Variants in STON1 observed in about 807,000 individuals in gnomAD.
The protein encoded by STON1 is stonin-1.
A neutral mutation model predicts 60.9 loss-of-function variants in STON1; 79 were observed. The ratio of observed to expected loss-of-function variants is 1.30; its 90% CI spans 1.08 to 1.56. The LOEUF is 1.56. Among genes scored for constraint, STON1 ranks in the 40% most tolerant of loss-of-function variants. STON1 has a pLI of 0.00. For synonymous variants in STON1, 363 were observed against 306.9 expected (o/e 1.18, Z -1.91); for missense variants, 1,166 against 858.9 (o/e 1.36, Z -4.47).
chr2:48,559,684 C>G (rs1044893519), intron 1 of STON1, among the ~76,000 whole-genome samples: 6 of 152,188 alleles, frequency 3.9e-5, no homozygotes, highest in Non-Finnish European at 7.3e-5. Context: ...AGTGGCAGGG[C>G]TGGGATTGAA....
chr2:48,532,834 G>C (rs1332772735), intron 1 of STON1, among the ~76,000 whole-genome samples: 1 of 152,196 alleles, frequency 6.6e-6, no homozygotes, highest in Non-Finnish European at 1.5e-5. Flanking sequence ...CACCTGGACA[G>C]GTCAGATGAG....
chr2:48,576,498 CTTTT>C (rs35460615), intron 1 of STON1, among the ~76,000 whole-genome samples: 171 of 143,908 alleles, frequency 1.2e-3, no homozygotes, highest in African/African-American at 1.8e-3. Context: ...CCATATTATC[CTTTT>C]TTTTTTTTTT....
intron 3 of STON1, 41 bp from the exon 4 acceptor site, chr2:48,595,187 G>A (rs1419309266): frequency 6.6e-7 from 1 of 1,504,292 alleles, no homozygotes; most frequent in Non-Finnish European, 9.2e-7. Flanking sequence ...GTGCTGTGTT[G>A]CATTTGTTAA....
intron 1 of STON1, among the ~76,000 whole-genome samples, chr2:48,549,688 T>C (rs1672010397): frequency 6.6e-6 from 1 of 151,740 alleles, no homozygotes; most frequent in South Asian, 2.1e-4. Context: ...GATGGGCTCC[T>C]GTAATCCCAG....
intron 1 of STON1, among the ~76,000 whole-genome samples, chr2:48,565,178 G>A (rs890685542): frequency 8.1e-5 from 12 of 148,242 alleles, no homozygotes; most frequent in African/African-American, 2.5e-4. Context: ...TCAGCCTCCC[G>A]AGTGGCTGGG....
At chr2:48,578,731 C>T (rs1472932893) in intron 1 of STON1, among the ~76,000 whole-genome samples, 1 of 151,638 alleles carries the variant, frequency 6.6e-6, no homozygotes, top group East Asian at 1.9e-4. Context: ...AATTTTTGGG[C>T]AGGTACCCAC....
rs564566471 is a variant in STON1 at position 48,597,751 on chromosome 2, A to T, written c.*2449A>T. The T allele has an allele frequency of 6.5e-6, 1 of 152,742 alleles. No individual in the cohort carries two copies. The highest frequency in any genetic ancestry group is 1.9e-4 in the East Asian group (1 of 5,188). 9.5% of individuals were successfully genotyped at this position (152,742 alleles called of 1,614,324 possible). ...CATCTATTAGGATCCTTAAATATTC[A>T]TTACTTAATGTTAAATTAACATTCT... On this transcript the variant is annotated 3_prime_UTR_variant, in exon 4 of 4. Coordinates refer to ENST00000404752, the MANE Select transcript of STON1 (RefSeq NM_006873.4).
intron 1 of STON1, among the ~76,000 whole-genome samples, chr2:48,570,926 G>T (rs62135211): frequency 0.13 from 17,382 of 138,988 alleles, 1,401 homozygotes; most frequent in Middle Eastern, 0.28. Context: ...GCAGTGGAGT[G>T]ATCTTGGCTC....
At position 48,575,749 on chromosome 2, in the gene STON1, G is replaced by GT. The variant is rs1248081500; in HGVS notation, c.-47-4833dup. Among the ~76,000 whole-genome samples, 89 of 110,994 alleles carry GT rather than the reference G, an allele frequency of 8.0e-4. 4 individuals carry two copies. In the South Asian group the frequency reaches 8.4e-3, roughly 10 times the overall value. 72.8% of individuals were successfully genotyped at this position (110,994 alleles called of 152,430 possible). ...GGATCATATGGTAGTTCTATTTTTA[G>GT]TTTTTGTTTGTTTTTTTTTTTTTTT... is the stretch of plus-strand genomic sequence containing the variant. On this transcript the variant is annotated intron_variant, in intron 1 of 3. Coordinates refer to ENST00000404752, the MANE Select transcript of STON1 (RefSeq NM_006873.4).
chr2:48,552,390 T>C (rs1672141467), intron 1 of STON1, among the ~76,000 whole-genome samples: 1 of 152,058 alleles, frequency 6.6e-6, no homozygotes, highest in Non-Finnish European at 1.5e-5. Context: ...GAGTTTTAGT[T>C]TGGAAAGATG....
At chr2:48,530,390 C>T in intron 1 of STON1, 174 bp downstream of exon 1, 1 of 243,176 alleles carries the variant, frequency 4.1e-6, no homozygotes, top group Non-Finnish European at 8.0e-6. Flanking sequence ...CCCAGGGGCG[C>T]CCTGGGGCCC....
At chr2:48,577,053 C>CAAA (rs55808207) in intron 1 of STON1, among the ~76,000 whole-genome samples, 178 of 139,944 alleles carry the variant, frequency 1.3e-3, no homozygotes, top group Non-Finnish European at 2.3e-3. Flanking sequence ...GATTCCATCT[C>CAAA]AAAAAAAAAA....
At chr2:48,594,004 C>T (rs889601762) in intron 3 of STON1, among the ~76,000 whole-genome samples, 2 of 152,182 alleles carry the variant, frequency 1.3e-5, no homozygotes, top group African/African-American at 4.8e-5. Context: ...GGCCCCTTTG[C>T]ATCAACTTGG....
intron 1 of STON1, among the ~76,000 whole-genome samples, chr2:48,564,684 C>T: frequency 7.3e-6 from 1 of 137,006 alleles, no homozygotes; most frequent in African/African-American, 2.7e-5. Context: ...CTTCTTCTTC[C>T]TTCTTTCTTC....
rs1220812363 is a variant in STON1 at position 48,564,503 on chromosome 2, T to C, written c.-47-16084T>C. 7.2e-3 allele frequency among the ~76,000 whole-genome samples: 179 copies of C among 24,730 alleles called. 1 individual carries two copies. The highest frequency in any genetic ancestry group is 0.011 in the Admixed American group (26 of 2,360). 16.2% of individuals were successfully genotyped at this position (24,730 alleles called of 152,430 possible). On this transcript the variant is annotated intron_variant, in intron 1 of 3. Coordinates refer to ENST00000404752, the MANE Select transcript of STON1 (RefSeq NM_006873.4). Reference sequence around the variant, plus strand: ...TCTTTCTTCTTCTTCTTCTTCTTCTTCTTCTTCTTCTTCTTCTTCTTCTTC... The same window carrying C: ...TCTTTCTTCTTCTTCTTCTTCTTCTCCTTCTTCTTCTTCTTCTTCTTCTTC...
At position 48,581,434 on chromosome 2, in the gene STON1, C is replaced by G. The variant is rs1283464761; in HGVS notation, c.801C>G (p.Leu267=). 4 of 1,614,156 alleles carry G rather than the reference C, an allele frequency of 2.5e-6. No individual in the cohort carries two copies. The highest frequency in any genetic ancestry group is 3.4e-6 in the Non-Finnish European group (4 of 1,179,986). The change falls in exon 2 of 4, where the codon CTC becomes CTG. Residue 267 remains leucine (L), a synonymous_variant. Transcript: ENST00000404752. ...ENASSFVPHT[L]FRSQPKSGWS... is the part of the protein sequence containing the mutation. ...CCTCTTCCTTTGTCCCCCACACACTCTTCAGGAGTCAGCCAAAATCCGGAT... is the reference window on the plus strand; with the variant it reads ...CCTCTTCCTTTGTCCCCCACACACTGTTCAGGAGTCAGCCAAAATCCGGAT...
At position 48,595,237 on chromosome 2, in the gene STON1, G is replaced by GA. The variant is rs1342291373; in HGVS notation, c.2147dup (p.Lys717GlufsTer4). On this transcript the variant is annotated frameshift_variant, in exon 4 of 4. Transcript: ENST00000404752. LOFTEE classifies it high-confidence loss of function. ...TGCTTTTGCATAACAGGTTGAAATA[G>GA]AAAAGAAGTGGATTAAAATCGATGG... 1 of 1,613,628 alleles carries GA rather than the reference G, an allele frequency of 6.2e-7. No homozygotes were observed. The highest frequency in any genetic ancestry group is 8.5e-7 in the Non-Finnish European group (1 of 1,179,644).
intron 1 of STON1, among the ~76,000 whole-genome samples, chr2:48,543,610 C>T (rs1318441241): frequency 6.7e-6 from 1 of 148,496 alleles, no homozygotes; most frequent in Non-Finnish European, 1.5e-5. Context: ...CGGCTCACTG[C>T]AACCTTTGCC....
chr2:48,568,856 G>A (rs1673060782), intron 1 of STON1, among the ~76,000 whole-genome samples: 1 of 152,194 alleles, frequency 6.6e-6, no homozygotes, highest in Admixed American at 6.5e-5. Context: ...CTCTTCTCAC[G>A]TGAGAACAGC....
Sources: gnomAD v4.1 joint callset for allele counts (sites outside exome capture counted in the v4.1 genomes callset) on GRCh38, gnomAD v4.1.1 for gene constraint, MANE v1.5 for transcripts, NCBI Gene and HGNC (gene_info 2026-07-23, HGNC 2026-07-21) for gene names.